The following JAKMIP3 variants were observed in gnomAD, a reference collection of about 807,000 sequenced individuals.
JAKMIP3 encodes the protein janus kinase and microtubule-interacting protein 3.
In JAKMIP3, 58 loss-of-function variants were observed where a neutral mutation model predicts 118.5. The ratio of observed to expected loss-of-function variants is 0.49; its 90% CI spans 0.40 to 0.61. JAKMIP3 has a LOEUF of 0.61. Among genes scored for constraint, JAKMIP3 ranks in the 20% least tolerant of loss-of-function variants. JAKMIP3 has a pLI of 0.00. For missense variants in JAKMIP3, 950 were observed against 1,109.0 expected (o/e 0.86, Z 2.04); for synonymous variants, 486 against 451.2 (o/e 1.08, Z -0.98).
Position 132,138,281 on chromosome 10 carries a change from C to A in JAKMIP3, c.1344+103C>A, listed in dbSNP as rs564025738. 1.9e-4 allele frequency: 188 copies of A among 966,910 alleles called. 1 individual carries two copies. The South Asian group carries it at 2.6e-3, about 13-fold the overall frequency. 59.9% of individuals were successfully genotyped at this position (966,910 alleles called of 1,614,324 possible). On this transcript the variant is annotated intron_variant, in intron 9 of 23. Coordinates refer to ENST00000684848, the MANE Select transcript of JAKMIP3 (RefSeq NM_001323087.2). ...GCGCTGGTGTGTGCGGAGAGGGGTG[C>A]GCCGGTGTACGTGGAGGGCGCTGGG...
chr10:132,153,621 G>A (rs1223572723), intron 17 of JAKMIP3, 138 bp from the exon 18 acceptor site: 2 of 817,998 alleles, frequency 2.4e-6, no homozygotes, highest in African/African-American at 3.4e-5. Context: ...CAACTCCCTG[G>A]AGAGGGCTGT....
intron 9 of JAKMIP3, among the ~76,000 whole-genome samples, chr10:132,139,271 TACATGTGA>T: frequency 1.3e-5 from 2 of 150,896 alleles, no homozygotes; most frequent in African/African-American, 2.4e-5. Context: ...TGTATGTGTG[TACATGTGA>T]GTGTATATGC....
intron 3 of JAKMIP3, among the ~76,000 whole-genome samples, chr10:132,121,932 C>A (rs2048604210): frequency 6.6e-6 from 1 of 152,258 alleles, no homozygotes; most frequent in African/African-American, 2.4e-5. Context: ...GTTCAGCACA[C>A]ACTCAGAACC....
At chr10:132,139,254 G>GTA (rs2052735420) in intron 9 of JAKMIP3, among the ~76,000 whole-genome samples, 2 of 67,960 alleles carry the variant, frequency 2.9e-5, no homozygotes, top group Non-Finnish European at 6.9e-5. Context: ...GTGTGTATGT[G>GTA]TGTGTGTGTA....
chr10:132,173,979 G>A (rs965730656), intron 23 of JAKMIP3, among the ~76,000 whole-genome samples: 1 of 148,638 alleles, frequency 6.7e-6, no homozygotes, highest in Non-Finnish European at 1.5e-5. Flanking sequence ...TGTGTCTCTG[G>A]TGGTCTGTGG....
rs575046541 is a variant in JAKMIP3, at chr10:132,141,336, C to T, written c.1474-584C>T. Among the ~76,000 whole-genome samples the T allele has an allele frequency of 2.0e-4, 30 of 152,318 alleles. No homozygotes were observed. The South Asian group carries it at 5.8e-3, about 29-fold the overall frequency. On this transcript the variant is annotated intron_variant, in intron 10 of 23. Coordinates refer to ENST00000684848, the MANE Select transcript of JAKMIP3 (RefSeq NM_001323087.2). The stretch of plus-strand genomic sequence containing the variant: ...TCAGTCACTCCTAGACGTGGCCAAC[C>T]CTTCCAGCCCCGGGGGTCCACCGGG...
chr10:132,145,047 G>A (rs2054330412), intron 11 of JAKMIP3, 60 bp from the exon 12 acceptor site: 3 of 1,398,366 alleles, frequency 2.1e-6, no homozygotes, highest in Non-Finnish European at 3.0e-6. Context: ...CCACGAGTGT[G>A]TGTGCTGTCT....
At position 132,097,963 on chromosome 10, in the gene JAKMIP3, T is replaced by TC. The variant is rs1477553564; in HGVS notation, c.-137-6709_-137-6708insC. Among the ~76,000 whole-genome samples, 6 of 36,006 alleles carry TC rather than the reference T, an allele frequency of 1.7e-4. 1 individual carries two copies. The highest frequency in any genetic ancestry group is 2.8e-4 in the Admixed American group (1 of 3,572). The allele number at this position is 36,006 out of a possible 152,430, so 23.6% of individuals were successfully genotyped here. A position where few individuals can be genotyped will look rare whatever the true frequency, so the allele number is the denominator to read the frequency against. The stretch of plus-strand genomic sequence containing the variant: ...TTTCCCTTTCCCATCCCCTTTCCCT[T>TC]TCCTTCCTTTTCTCCCCTTCCCCTT... On this transcript the variant is annotated intron_variant, in intron 1 of 23. Coordinates refer to ENST00000684848, the MANE Select transcript of JAKMIP3 (RefSeq NM_001323087.2).
chr10:132,047,040 C>A (rs944588972), intron 1 of JAKMIP3, among the ~76,000 whole-genome samples: 2 of 152,204 alleles, frequency 1.3e-5, no homozygotes, highest in African/African-American at 4.8e-5. Context: ...GCCACCACAC[C>A]CAGCTATTTA....
intron 21 of JAKMIP3, 65 bp downstream of exon 21, chr10:132,164,800 C>A: frequency 9.1e-7 from 1 of 1,095,920 alleles, no homozygotes; most frequent in Non-Finnish European, 1.4e-6. Flanking sequence ...GGTGTCACCC[C>A]GACCTGAGTC....
chr10:132,172,087 T>C (rs1289317760), intron 23 of JAKMIP3, among the ~76,000 whole-genome samples: 1 of 152,232 alleles, frequency 6.6e-6, no homozygotes. Flanking sequence ...TCACTCATCC[T>C]GTCTCTGTAG....
intron 1 of JAKMIP3, among the ~76,000 whole-genome samples, chr10:132,067,564 G>A (rs549882169): frequency 4.6e-5 from 7 of 152,210 alleles, no homozygotes; most frequent in African/African-American, 1.2e-4. Context: ...TCCTATACAT[G>A]TTCTTGGAAG....
intron 21 of JAKMIP3, among the ~76,000 whole-genome samples, chr10:132,165,067 C>T (rs1374579519): frequency 6.6e-6 from 1 of 152,264 alleles, no homozygotes; most frequent in African/African-American, 2.4e-5. Context: ...TCGGGTTCCT[C>T]CCATCACTGA....
intron 1 of JAKMIP3, among the ~76,000 whole-genome samples, chr10:132,079,488 G>A (rs959322971): frequency 5.3e-5 from 8 of 152,138 alleles, no homozygotes; most frequent in Admixed American, 2.6e-4. Flanking sequence ...TGGCTGCAGA[G>A]ATACCAACAT....
intron 4 of JAKMIP3, among the ~76,000 whole-genome samples, chr10:132,134,155 C>T (rs984055945): frequency 3.9e-5 from 6 of 152,286 alleles, no homozygotes; most frequent in East Asian, 1.9e-4. Flanking sequence ...TTCTGGGATG[C>T]GCTGGGGGAT....
At position 132,142,067 on chromosome 10, in the gene JAKMIP3, G is replaced by A. The variant is rs751487101; in HGVS notation, c.1602+19G>A. 44 of 1,592,580 alleles carry A rather than the reference G, an allele frequency of 2.8e-5. 1 individual carries two copies. In the South Asian group the frequency reaches 3.3e-4, roughly 12 times the overall value. On this transcript the variant is annotated intron_variant, in intron 11 of 23. Coordinates refer to ENST00000684848, the MANE Select transcript of JAKMIP3 (RefSeq NM_001323087.2). ...AGTTAAGGTCTACGTGACTTCCACCGCGCGTTCCGGCCCCCCTCGTGCCTT... is the reference window on the plus strand; with the variant it reads ...AGTTAAGGTCTACGTGACTTCCACCACGCGTTCCGGCCCCCCTCGTGCCTT...
chr10:132,054,721 G>A (rs1314665223), intron 1 of JAKMIP3, among the ~76,000 whole-genome samples: 1 of 152,232 alleles, frequency 6.6e-6, no homozygotes, highest in Non-Finnish European at 1.5e-5. Flanking sequence ...TCAGTGAGCT[G>A]AAGTCAGGAA....
At chr10:132,103,210 T>C (rs1323853164) in intron 1 of JAKMIP3, among the ~76,000 whole-genome samples, 3 of 151,166 alleles carry the variant, frequency 2.0e-5, no homozygotes, top group Admixed American at 2.0e-4. Flanking sequence ...AAGCTGGTCA[T>C]GGTGGGGATG....
At chr10:132,182,161 G>A (rs985865607) in intron 23 of JAKMIP3, among the ~76,000 whole-genome samples, 196 bp from the exon 24 acceptor site, 3 of 151,954 alleles carry the variant, frequency 2.0e-5, no homozygotes, top group South Asian at 2.1e-4. Context: ...TGCGTCTCCC[G>A]GGCTGGAGGC....
Sources: gnomAD v4.1 joint callset for allele counts (sites outside exome capture counted in the v4.1 genomes callset) on GRCh38, gnomAD v4.1.1 for gene constraint, MANE v1.5 for transcripts, NCBI Gene and HGNC (gene_info 2026-07-23, HGNC 2026-07-21) for gene names.